Variants in GNRH1 observed in about 807,000 individuals in gnomAD.
The protein encoded by GNRH1 is progonadoliberin-1.
A neutral mutation model predicts 13.6 loss-of-function variants in GNRH1; 9 were observed. The ratio of observed to expected loss-of-function variants is 0.66; its 90% CI spans 0.40 to 1.15. The LOEUF (loss-of-function observed/expected upper bound fraction) is 1.15. GNRH1 is among the 50% of genes most tolerant of loss of function. The pLI, the probability that GNRH1 is intolerant of heterozygous loss-of-function variation, is 0.01. For missense variants in GNRH1, 116 were observed against 110.8 expected, an observed-to-expected ratio of 1.05 and a Z score of -0.21; for synonymous variants, 44 against 40.1, an observed-to-expected ratio of 1.10 and a Z score of -0.37.
rs765242446 is a variant in GNRH1 at position 25,421,622 on chromosome 8, C to T, written c.188G>A (p.Cys63Tyr). 154 of 1,606,726 alleles carry T rather than the reference C, an allele frequency of 9.6e-5. No individual in the cohort carries two copies. The Middle Eastern group carries it at 1.3e-3, about 14-fold the overall frequency. The change falls in exon 3 of 4, where the codon TGC (cysteine) becomes TAC (tyrosine). Residue 63 changes from cysteine to tyrosine, a missense_variant. Physicochemically the swap from Cys to Tyr is radical, Grantham distance 194 (BLOSUM62 -2). Coordinates refer to ENST00000421054, the MANE Select transcript of GNRH1 (RefSeq NM_001083111.2). ...GGGAGAACGTGGCTGGTGCGTGGTG[C>T]ATTCGAAGCGTTGGGTTTCTGCCAG... ...GQLAETQRFECTTHQPRSPLR... is the reference protein window; with the variant it reads ...GQLAETQRFEYTTHQPRSPLR...
intron 2 of GNRH1, among the ~76,000 whole-genome samples, chr8:25,421,967 C>T (rs1385880093): frequency 6.6e-6 from 1 of 150,638 alleles, no homozygotes; most frequent in Non-Finnish European, 1.5e-5. Flanking sequence ...CCCAAAAAAA[C>T]AAAAAGCAAA....
intron 1 of GNRH1, 187 bp from the exon 2 acceptor site, chr8:25,423,518 A>T: frequency 1.6e-6 from 1 of 617,800 alleles, no homozygotes; most frequent in East Asian, 2.8e-5. Flanking sequence ...TTTCTTAGCC[A>T]CTGGGGACAA....
chr8:25,423,113 G>T (rs1801796741), intron 2 of GNRH1, 77 bp downstream of exon 2: 2 of 1,056,392 alleles, frequency 1.9e-6, no homozygotes, highest in Non-Finnish European at 3.0e-6. Flanking sequence ...TATTGACATT[G>T]GGGCTATCCT....
chr8:25,421,524 C>T (rs765836313), intron 3 of GNRH1, 49 bp downstream of exon 3: 1 of 975,702 alleles, frequency 1.0e-6, no homozygotes, highest in Admixed American at 1.8e-5. Flanking sequence ...AAGGCTTATC[C>T]ACCTCTAGAG....
Position 25,419,442 on chromosome 8 carries a change from C to T in GNRH1, c.256G>A (p.Glu86Lys). 1 of 1,481,142 alleles carries T rather than the reference C, an allele frequency of 6.8e-7. No homozygotes were observed. Among genetic ancestry groups the T allele is most frequent in the Non-Finnish European group, 9.4e-7 (1 of 1,058,950 alleles). The allele number at this position is 1,481,142 out of a possible 1,614,324, so 91.7% of individuals were successfully genotyped here. The change falls in exon 4 of 4, where the codon GAA becomes AAA. Residue 86 changes from glutamate to lysine, a missense_variant. Coordinates refer to ENST00000421054, the MANE Select transcript of GNRH1 (RefSeq NM_001083111.2). ...ATTTAAATCTTCTTCTGCCCAGTTT[C>T]CTCTTCAATCAGACTTTCCTGAAAA... is the stretch of plus-strand genomic sequence containing the variant. ...KGALESLIEE[E>K]TGQKKI
At chr8:25,423,391 G>A (rs1259537630) in intron 1 of GNRH1, 60 bp from the exon 2 acceptor site, 2 of 1,437,006 alleles carry the variant, frequency 1.4e-6, no homozygotes, top group South Asian at 2.3e-5. Flanking sequence ...TAAACTAAAA[G>A]ACCTCTTTAG....
intron 3 of GNRH1, among the ~76,000 whole-genome samples, chr8:25,419,889 T>A (rs1801749191): frequency 6.6e-6 from 1 of 152,158 alleles, no homozygotes; most frequent in Non-Finnish European, 1.5e-5. Context: ...CCCAAAATGC[T>A]AGGATTACAG....
At chr8:25,420,208 G>A (rs989514209) in intron 3 of GNRH1, among the ~76,000 whole-genome samples, 1 of 151,714 alleles carries the variant, frequency 6.6e-6, no homozygotes, top group East Asian at 2.0e-4. Context: ...AAGGTTAAGG[G>A]ATTGAGACCA....
Position 25,419,288 on chromosome 8 carries a change from A to G in GNRH1, c.*131T>C, listed in dbSNP as rs1325786123. 1.4e-6 allele frequency: 1 copy of G among 724,954 alleles called. No homozygotes were observed. Among genetic ancestry groups the G allele is most frequent in the Non-Finnish European group, 2.6e-6 (1 of 390,426 alleles). The allele number at this position is 724,954 out of a possible 1,614,324, so 44.9% of individuals were successfully genotyped here. A position where few individuals can be genotyped will look rare whatever the true frequency, so the allele number is the denominator to read the frequency against. Reference sequence around the variant, plus strand: ...TCACAACACAGCACTTTATTATGGAATATGTGCAACTTGGTGTAAGGATTT... The same window carrying G: ...TCACAACACAGCACTTTATTATGGAGTATGTGCAACTTGGTGTAAGGATTT... On this transcript the variant is annotated 3_prime_UTR_variant, in exon 4 of 4. Transcript: ENST00000421054.
intron 2 of GNRH1, among the ~76,000 whole-genome samples, chr8:25,421,966 A>G (rs190473170): frequency 6.6e-6 from 1 of 151,304 alleles, no homozygotes; most frequent in South Asian, 2.1e-4. Context: ...ACCCAAAAAA[A>G]CAAAAAGCAA....
At chr8:25,419,569 G>C in intron 3 of GNRH1, 109 bp from the exon 4 acceptor site, 1 of 726,196 alleles carries the variant, frequency 1.4e-6, no homozygotes, top group East Asian at 2.6e-5. Flanking sequence ...TGGTCTGTTT[G>C]ATTTTGTGCT....
intron 2 of GNRH1, 68 bp downstream of exon 2, chr8:25,423,122 C>T (rs1586414721): frequency 8.6e-7 from 1 of 1,163,186 alleles, no homozygotes; most frequent in East Asian, 2.3e-5. Context: ...TGGGGCTATC[C>T]TGAATGTTTA....
intron 2 of GNRH1, 113 bp from the exon 3 acceptor site, chr8:25,421,781 G>GGGGGGA: frequency 1.9e-6 from 1 of 513,220 alleles, no homozygotes; most frequent in Non-Finnish European, 3.7e-6. Flanking sequence ...GGGGCTGGGG[G>GGGGGGA]AGATTGGGAA....
chr8:25,423,659 TC>T, intron 1 of GNRH1: 1 of 328,902 alleles, frequency 3.0e-6, no homozygotes, highest in Non-Finnish European at 5.8e-6. Context: ...CCTTAACATT[TC>T]CCCTGTTGTG....
chr8:25,421,522 T>C, intron 3 of GNRH1, 51 bp downstream of exon 3: 1 of 958,494 alleles, frequency 1.0e-6, no homozygotes, highest in Non-Finnish European at 1.7e-6. Flanking sequence ...CAAAGGCTTA[T>C]CCACCTCTAG....
At chr8:25,420,432 T>C (rs1344300178) in intron 3 of GNRH1, among the ~76,000 whole-genome samples, 1 of 121,378 alleles carries the variant, frequency 8.2e-6, no homozygotes, top group African/African-American at 3.2e-5. Flanking sequence ...TTTTTCTTTG[T>C]TCTGTGGGTA....
At chr8:25,422,853 G>A (rs938967633) in intron 2 of GNRH1, among the ~76,000 whole-genome samples, 7 of 152,062 alleles carry the variant, frequency 4.6e-5, no homozygotes, top group African/African-American at 1.7e-4. Context: ...AAGTTCTAAC[G>A]TTTTTTCCAA....
At chr8:25,420,436 G>A (rs1554515192) in intron 3 of GNRH1, among the ~76,000 whole-genome samples, 1 of 129,454 alleles carries the variant, frequency 7.7e-6, no homozygotes, top group African/African-American at 2.9e-5. Flanking sequence ...TCTTTGTTCT[G>A]TGGGTATATT....
intron 2 of GNRH1, among the ~76,000 whole-genome samples, chr8:25,422,405 G>T (rs1448196941): frequency 6.6e-6 from 1 of 152,162 alleles, no homozygotes; most frequent in Non-Finnish European, 1.5e-5. Flanking sequence ...AAAATTAGTT[G>T]GGTGTGATAG....
Sources: allele counts gnomAD v4.1 joint callset (sites outside exome capture counted in the v4.1 genomes callset), GRCh38; gene constraint gnomAD v4.1.1; transcripts MANE v1.5; gene names NCBI Gene and HGNC (gene_info 2026-07-23, HGNC 2026-07-21).